ABTB2: variants seen among roughly 807,000 people sequenced by gnomAD.
ABTB2 encodes the protein ankyrin repeat and BTB/POZ domain-containing protein 2.
A neutral mutation model predicts 104.1 loss-of-function variants in ABTB2; 56 were observed. The ratio of observed to expected loss-of-function variants is 0.54; its 90% confidence interval spans 0.43 to 0.67. The LOEUF is 0.67. ABTB2 is among the 30% of genes least tolerant of loss of function. The pLI is 0.00. For synonymous variants in ABTB2, 606 were observed against 608.2 expected (o/e 1.00, Z 0.05); for missense variants, 1,279 against 1,407.7 (o/e 0.91, Z 1.46).
intron 1 of ABTB2, chr11:34,335,685 T>C (rs1855185596): frequency 7.8e-6 from 11 of 1,403,576 alleles, no homozygotes; most frequent in South Asian, 1.2e-5. Flanking sequence ...TTTCACTTGA[T>C]AAAGTTTCTG....
chr11:34,192,936 G>A lies in ABTB2; in HGVS notation c.1244+4389C>T, dbSNP rs115594340. Among the ~76,000 whole-genome samples, 1,327 of 152,302 alleles carry A rather than the reference G, an allele frequency of 8.7e-3. 20 individuals carry two copies. Among genetic ancestry groups the A allele is most frequent in the East Asian group, 0.029 (151 of 5,178 alleles). On this transcript the variant is annotated intron_variant, in intron 3 of 16. Coordinates refer to ENST00000435224, the MANE Select transcript of ABTB2 (RefSeq NM_145804.3). ...TCCAGCAATTTGCTGGCAAGCGGGC[G>A]GCCCTCTTGCCTTCCTACGTGTCTG...
intron 1 of ABTB2, among the ~76,000 whole-genome samples, chr11:34,323,508 A>AT (rs1383463720): frequency 6.6e-6 from 1 of 151,950 alleles, no homozygotes; most frequent in Non-Finnish European, 1.5e-5. Context: ...AGTCTTTCAC[A>AT]TTTTTTCTTC....
At chr11:34,296,987 C>T (rs1440368807) in intron 1 of ABTB2, among the ~76,000 whole-genome samples, 1 of 152,174 alleles carries the variant, frequency 6.6e-6, no homozygotes, top group Non-Finnish European at 1.5e-5. Context: ...AGAAATTTAC[C>T]ACCTATCCTA....
chr11:34,268,892 C>T (rs1376084506), intron 1 of ABTB2, among the ~76,000 whole-genome samples: 1 of 152,198 alleles, frequency 6.6e-6, no homozygotes, highest in Non-Finnish European at 1.5e-5. Context: ...GGATGGGGGA[C>T]CCACCCTACC....
intron 1 of ABTB2, among the ~76,000 whole-genome samples, chr11:34,334,652 T>C (rs1232341826): frequency 1.3e-5 from 2 of 152,140 alleles, no homozygotes. Flanking sequence ...AATCCTTCCC[T>C]TTCCCTCTTC....
At chr11:34,255,076 C>T (rs1854104707) in intron 1 of ABTB2, among the ~76,000 whole-genome samples, 1 of 152,180 alleles carries the variant, frequency 6.6e-6, no homozygotes, top group South Asian at 2.1e-4. Flanking sequence ...TCCATCCATA[C>T]CATATCATTC....
chr11:34,152,325 C>G lies in ABTB2; in HGVS notation c.*62G>C. 2 of 1,506,680 alleles carry G rather than the reference C, an allele frequency of 1.3e-6. No individual in the cohort carries two copies. The highest frequency in any genetic ancestry group is 1.8e-6 in the Non-Finnish European group (2 of 1,123,026). 93.3% of individuals were successfully genotyped at this position (1,506,680 alleles called of 1,614,324 possible). A position where few individuals can be genotyped will look rare whatever the true frequency, so the allele number is the denominator to read the frequency against. ...GCTCCAAGAGGGCCTACAACCATAC[C>G]CCGACATGGTGGGCCCTGGCACCTC... On this transcript the variant is annotated 3_prime_UTR_variant, in exon 17 of 17. Coordinates refer to ENST00000435224, the MANE Select transcript of ABTB2 (RefSeq NM_145804.3).
In ABTB2 at chr11:34,160,254, T is replaced by C. The variant is rs1223370268; in HGVS notation, c.2497A>G (p.Arg833Gly). The C allele has an allele frequency of 2.5e-6, 4 of 1,613,596 alleles. No homozygotes were observed. Among genetic ancestry groups the C allele is most frequent in the Admixed American group, 1.7e-5 (1 of 60,024 alleles). Residue 833 changes from arginine to glycine, a missense_variant, in exon 12 of 17, where the codon AGG (arginine) becomes GGG (glycine). Coordinates refer to ENST00000435224, the MANE Select transcript of ABTB2 (RefSeq NM_145804.3). The stretch of plus-strand genomic sequence containing the variant: ...GCAGGGGGCGCGCCTTCACCTAGCC[T>C]GGCCGGCAGGGTCTTCCGGATCTCT... ...IPEIRKTLPA[R>G]LDPHFLNNKE...
chr11:34,154,555 C>G lies in ABTB2; in HGVS notation c.2766+146G>C, dbSNP rs1308904618. On this transcript the variant is annotated intron_variant, in intron 15 of 16. Coordinates refer to ENST00000435224, the MANE Select transcript of ABTB2 (RefSeq NM_145804.3). The surrounding 1 kb of genome is among the most constrained non-coding windows in gnomAD (Gnocchi z 4.9). ...CTGGGACACGCACTGAGGCTGGGCT[C>G]AGTGGTGTGCACAGTTCCTCTTTCT... is the stretch of plus-strand genomic sequence containing the variant. The G allele has an allele frequency of 6.7e-6, 6 of 894,602 alleles. No homozygotes were observed. The South Asian group carries it at 9.3e-5, about 14-fold the overall frequency. The allele number at this position is 894,602 out of a possible 1,614,324, so 55.4% of individuals were successfully genotyped here. A position where few individuals can be genotyped will look rare whatever the true frequency, so the allele number is the denominator to read the frequency against.
intron 1 of ABTB2, among the ~76,000 whole-genome samples, chr11:34,342,969 A>G (rs1855281331): frequency 6.7e-6 from 1 of 150,130 alleles, no homozygotes; most frequent in Non-Finnish European, 1.5e-5. Context: ...TTATTCGTTC[A>G]TTCATTCATT....
At chr11:34,173,342 T>A (rs768396995) in intron 3 of ABTB2, 35 bp from the exon 4 acceptor site, 2 of 1,543,490 alleles carry the variant, frequency 1.3e-6, no homozygotes, top group African/African-American at 2.7e-5. Flanking sequence ...AGGCCTGGGG[T>A]GGGGTCCCTG....
intron 1 of ABTB2, among the ~76,000 whole-genome samples, chr11:34,223,702 C>A (rs903543582): frequency 6.6e-6 from 1 of 152,192 alleles, no homozygotes; most frequent in Non-Finnish European, 1.5e-5. Context: ...CAGCCTCAGC[C>A]TCATTACTCA....
chr11:34,152,164 G>T lies in ABTB2; in HGVS notation c.*223C>A. On this transcript the variant is annotated 3_prime_UTR_variant, in exon 17 of 17. Transcript: ENST00000435224. ...GTTGCAAACTGAGATGGGGAGGAGG[G>T]CCACCAGTTAGCTACATCTCCCCTT... 1.8e-6 allele frequency: 1 copy of T among 569,570 alleles called. No individual in the cohort carries two copies. The highest frequency in any genetic ancestry group is 3.1e-6 in the Non-Finnish European group (1 of 320,996). The allele number at this position is 569,570 out of a possible 1,614,324, so 35.3% of individuals were successfully genotyped here. A position where few individuals can be genotyped will look rare whatever the true frequency, so the allele number is the denominator to read the frequency against.
intron 1 of ABTB2, among the ~76,000 whole-genome samples, chr11:34,270,620 G>A (rs1033953208): frequency 6.6e-6 from 1 of 152,158 alleles, no homozygotes; most frequent in Admixed American, 6.5e-5. Context: ...GATTACAGGC[G>A]TGAGCCACCG....
At chr11:34,167,869 AG>A in intron 6 of ABTB2, 33 bp downstream of exon 6, 2 of 1,608,772 alleles carry the variant, frequency 1.2e-6, no homozygotes, top group Non-Finnish European at 1.7e-6. Flanking sequence ...CTGCTGGCCT[AG>A]GGCCTGGGTG....
At chr11:34,243,739 G>A (rs1452499183) in intron 1 of ABTB2, among the ~76,000 whole-genome samples, 1 of 152,240 alleles carries the variant, frequency 6.6e-6, no homozygotes, top group Admixed American at 6.5e-5. Context: ...AAAGCTTGAA[G>A]CCTATGGTTA....
At chr11:34,247,796 A>G (rs1468530729) in intron 1 of ABTB2, among the ~76,000 whole-genome samples, 1 of 152,352 alleles carries the variant, frequency 6.6e-6, no homozygotes, top group Middle Eastern at 3.4e-3. Flanking sequence ...GTACCATTTC[A>G]TTTAAACCTC....
chr11:34,308,926 T>G lies in ABTB2; in HGVS notation c.883+47775A>C, dbSNP rs1362045887. Among the ~76,000 whole-genome samples, 3 of 143,956 alleles carry G rather than the reference T, an allele frequency of 2.1e-5. No homozygotes were observed. The East Asian group carries it at 6.2e-4, about 30-fold the overall frequency. 94.4% of individuals were successfully genotyped at this position (143,956 alleles called of 152,430 possible). A position where few individuals can be genotyped will look rare whatever the true frequency, so the allele number is the denominator to read the frequency against. On this transcript the variant is annotated intron_variant, in intron 1 of 16. Transcript: ENST00000435224. ...AAGAAAAGCAAAGAAAACAGGAAAC[T>G]GTGTGAAATGCTTTTCAAATGCTTT... is the stretch of plus-strand genomic sequence containing the variant.
chr11:34,307,859 C>T (rs1854797512), intron 1 of ABTB2, among the ~76,000 whole-genome samples: 1 of 152,172 alleles, frequency 6.6e-6, no homozygotes, highest in Non-Finnish European at 1.5e-5. Context: ...CCACCATGCC[C>T]AGCTAATTTT....
Sources: gnomAD v4.1 joint callset for allele counts (sites outside exome capture counted in the v4.1 genomes callset) on GRCh38, gnomAD v4.1.1 for gene constraint, Gnocchi (gnomAD v3.1) non-coding constraint, MANE v1.5 for transcripts, NCBI Gene and HGNC (gene_info 2026-07-23, HGNC 2026-07-21) for gene names.